The following AHCYL2 variants were observed in gnomAD, a reference collection of about 807,000 sequenced individuals.
AHCYL2 encodes the protein adenosylhomocysteinase like 2, also known as S-adenosylhomocysteine hydrolase-like protein 2.
AHCYL2 carries 28 observed loss-of-function variants against 81.4 expected under a neutral mutation model. The ratio of observed to expected loss-of-function variants is 0.34; its 90% confidence interval spans 0.25 to 0.47. The LOEUF (loss-of-function observed/expected upper bound fraction) is 0.47, where lower values mean the gene tolerates loss of function less well. AHCYL2 is among the 20% of genes least tolerant of loss of function. AHCYL2 has a pLI of 1.00. For synonymous variants in AHCYL2, 272 were observed against 290.2 expected, an observed-to-expected ratio of 0.94 and a Z score of 0.64; for missense variants, 551 against 785.1, an observed-to-expected ratio of 0.70 and a Z score of 3.56.
chr7:129,250,318 G>A lies in AHCYL2; in HGVS notation c.363+24879G>A, dbSNP rs78665446. 8.2e-3 allele frequency among the ~76,000 whole-genome samples: 1,245 copies of A among 152,282 alleles called. 9 individuals are homozygous for A. The highest frequency in any genetic ancestry group is 0.065 in the Middle Eastern group (19 of 294). On this transcript the variant is annotated intron_variant, in intron 1 of 16. Transcript: ENST00000325006. ...GTTGGTATGCAAATATCTGTTTTGAGCTCCTGCTTTCAATTCTTTTGGATA... is the reference window on the plus strand; with the variant it reads ...GTTGGTATGCAAATATCTGTTTTGAACTCCTGCTTTCAATTCTTTTGGATA...
chr7:129,229,789 G>C (rs1794353542), intron 1 of AHCYL2, among the ~76,000 whole-genome samples: 1 of 152,156 alleles, frequency 6.6e-6, no homozygotes, highest in African/African-American at 2.4e-5. Flanking sequence ...GAGAATAAAA[G>C]CATCTTATAC....
At chr7:129,371,894 A>C (rs377585818) in intron 1 of AHCYL2, among the ~76,000 whole-genome samples, 2 of 152,314 alleles carry the variant, frequency 1.3e-5, no homozygotes. Context: ...TGGAAGAGAG[A>C]GGTGTTTTGA....
chr7:129,387,856 G>T (rs1202684910), intron 2 of AHCYL2, among the ~76,000 whole-genome samples: 1 of 152,146 alleles, frequency 6.6e-6, no homozygotes, highest in Non-Finnish European at 1.5e-5. Flanking sequence ...GTTCATTCCT[G>T]TTGCCTCGTG....
At chr7:129,325,044 T>G (rs1009906776) in intron 1 of AHCYL2, among the ~76,000 whole-genome samples, 1 of 152,108 alleles carries the variant, frequency 6.6e-6, no homozygotes, top group Non-Finnish European at 1.5e-5. Flanking sequence ...ACCTTTTTAT[T>G]TATTTTTTTA....
Position 129,225,367 on chromosome 7 carries a change from G to T in AHCYL2, c.291G>T (p.Arg97=). The T allele has an allele frequency of 6.6e-7, 1 of 1,516,506 alleles. No homozygotes were observed. Among genetic ancestry groups the T allele is most frequent in the Non-Finnish European group, 8.8e-7 (1 of 1,138,488 alleles). The allele number at this position is 1,516,506 out of a possible 1,614,324, so 93.9% of individuals were successfully genotyped here. A position where few individuals can be genotyped will look rare whatever the true frequency, so the allele number is the denominator to read the frequency against. Reference sequence around the variant, plus strand: ...GCGACCCACATCACCAGCACCAGCGGCACCGCGACGGCGGCGAGGCCCTGG... The same window carrying T: ...GCGACCCACATCACCAGCACCAGCGTCACCGCGACGGCGGCGAGGCCCTGG... ...KRSDPHHQHQ[R]HRDGGEALVS... is the part of the protein sequence containing the mutation. The change falls in exon 1 of 17, where the codon CGG becomes CGT. Residue 97 remains arginine (R), a synonymous_variant. Coordinates refer to ENST00000325006, the MANE Select transcript of AHCYL2 (RefSeq NM_015328.4).
chr7:129,325,948 G>A (rs1471325028), intron 1 of AHCYL2, among the ~76,000 whole-genome samples: 4 of 151,974 alleles, frequency 2.6e-5, no homozygotes, highest in East Asian at 1.9e-4. Context: ...AATGTGATCC[G>A]CCCATCTTGG....
At chr7:129,234,952 C>T (rs1311049684) in intron 1 of AHCYL2, among the ~76,000 whole-genome samples, 1 of 152,194 alleles carries the variant, frequency 6.6e-6, no homozygotes, top group Non-Finnish European at 1.5e-5. Flanking sequence ...TATTCTCTTT[C>T]ACAGGCATGC....
At chr7:129,343,902 ATGAC>A (rs1299897587) in intron 1 of AHCYL2, among the ~76,000 whole-genome samples, 3 of 152,212 alleles carry the variant, frequency 2.0e-5, no homozygotes, top group African/African-American at 2.4e-5. Flanking sequence ...ATACAGAAAA[ATGAC>A]TGGTATTTAG....
chr7:129,322,329 G>A (rs1315657021), intron 1 of AHCYL2, among the ~76,000 whole-genome samples: 2 of 151,748 alleles, frequency 1.3e-5, no homozygotes, highest in Non-Finnish European at 2.9e-5. Flanking sequence ...TAGTAGAGGC[G>A]TGGTTTTGCC....
chr7:129,398,348 A>AATTTTTATTTTTTATTTTT (rs1795845723), intron 5 of AHCYL2, among the ~76,000 whole-genome samples: 2 of 147,770 alleles, frequency 1.4e-5, no homozygotes, highest in African/African-American at 2.5e-5. Flanking sequence ...AATTTAATTT[A>AATTTTTATTTTTTATTTTT]ATTTTTATTT....
At chr7:129,322,999 TC>T (rs1327552816) in intron 1 of AHCYL2, among the ~76,000 whole-genome samples, 1 of 152,224 alleles carries the variant, frequency 6.6e-6, no homozygotes, top group Non-Finnish European at 1.5e-5. Context: ...TCCTGATCGG[TC>T]TGACTAAATG....
At chr7:129,308,417 T>C (rs1199350579) in intron 1 of AHCYL2, among the ~76,000 whole-genome samples, 1 of 152,194 alleles carries the variant, frequency 6.6e-6, no homozygotes, top group Non-Finnish European at 1.5e-5. Context: ...AGCATACAGA[T>C]TGCCCATGTG....
At chr7:129,407,118 G>A (rs1796344467) in intron 10 of AHCYL2, among the ~76,000 whole-genome samples, 1 of 152,166 alleles carries the variant, frequency 6.6e-6, no homozygotes, top group South Asian at 2.1e-4. Flanking sequence ...GGGAGGCTGA[G>A]GCAGGAGGAT....
At chr7:129,288,200 C>T (rs1796705863) in intron 1 of AHCYL2, among the ~76,000 whole-genome samples, 1 of 152,062 alleles carries the variant, frequency 6.6e-6, no homozygotes, top group South Asian at 2.1e-4. Context: ...CTCTTCTCCC[C>T]TGCTTTTTGT....
At chr7:129,371,089 T>C (rs751696922) in intron 1 of AHCYL2, among the ~76,000 whole-genome samples, 1 of 152,174 alleles carries the variant, frequency 6.6e-6, no homozygotes, top group African/African-American at 2.4e-5. Context: ...TAAAGTGTCT[T>C]TTAATCCCCA....
intron 1 of AHCYL2, among the ~76,000 whole-genome samples, chr7:129,348,500 A>G (rs1793441680): frequency 1.3e-5 from 2 of 152,050 alleles, no homozygotes; most frequent in Non-Finnish European, 2.9e-5. Flanking sequence ...CTGAAGGAAA[A>G]GGGTAGAGAC....
intron 1 of AHCYL2, among the ~76,000 whole-genome samples, chr7:129,367,320 A>T (rs1203329772): frequency 6.6e-6 from 1 of 152,210 alleles, no homozygotes; most frequent in East Asian, 1.9e-4. Flanking sequence ...CAAAGCAGGC[A>T]TATCTTGTTA....
chr7:129,337,659 A>G (rs1312802772), intron 1 of AHCYL2, among the ~76,000 whole-genome samples: 1 of 152,176 alleles, frequency 6.6e-6, no homozygotes, highest in Non-Finnish European at 1.5e-5. Flanking sequence ...TCAACTTCCC[A>G]AAGTGCTGGG....
At chr7:129,257,768 C>T (rs748722554) in intron 1 of AHCYL2, among the ~76,000 whole-genome samples, 6 of 152,034 alleles carry the variant, frequency 3.9e-5, no homozygotes, top group Non-Finnish European at 8.8e-5. Flanking sequence ...TAGATTTATA[C>T]CTCAGTTTGA....
Sources: gnomAD v4.1 joint callset for allele counts (sites outside exome capture counted in the v4.1 genomes callset) on GRCh38, gnomAD v4.1.1 for gene constraint, MANE v1.5 for transcripts, NCBI Gene and HGNC (gene_info 2026-07-23, HGNC 2026-07-21) for gene names.